The following GPC6 variants were observed in gnomAD, a reference collection of about 807,000 sequenced individuals.
GPC6 encodes glypican-6.
In GPC6, 14 loss-of-function variants were observed where a neutral mutation model predicts 55.2. The ratio of observed to expected loss-of-function variants is 0.25; its 90% CI spans 0.17 to 0.40. The LOEUF is 0.40. Ranked by LOEUF, GPC6 falls within the 10% of genes least tolerant of loss-of-function variation. GPC6 has a pLI of 1.00. For missense variants in GPC6, 641 were observed against 708.5 expected (o/e 0.90, Z 1.08); for synonymous variants, 278 against 259.6 (o/e 1.07, Z -0.68).
chr13:93,496,633 A>G (rs1173795497), intron 1 of GPC6, among the ~76,000 whole-genome samples: 3 of 152,150 alleles, frequency 2.0e-5, no homozygotes, highest in African/African-American at 7.2e-5. Flanking sequence ...GACAGACAAC[A>G]TATTGCAGTG....
intron 3 of GPC6, among the ~76,000 whole-genome samples, chr13:93,891,777 G>T (rs942911695): frequency 6.6e-6 from 1 of 151,882 alleles, no homozygotes; most frequent in African/African-American, 2.4e-5. Context: ...AATGAACAAA[G>T]TGTGTATGTT....
At chr13:94,295,056 A>G (rs1248601458) in intron 5 of GPC6, among the ~76,000 whole-genome samples, 2 of 152,234 alleles carry the variant, frequency 1.3e-5, no homozygotes, top group African/African-American at 4.8e-5. Context: ...AAGGAATAGA[A>G]AATACCTTAA....
intron 3 of GPC6, among the ~76,000 whole-genome samples, chr13:93,897,014 T>G (rs1210794830): frequency 6.6e-6 from 1 of 151,554 alleles, no homozygotes; most frequent in African/African-American, 2.4e-5. Flanking sequence ...ATTTTCTTAT[T>G]GTAAAGGATT....
chr13:93,293,736 A>G (rs1397920769), intron 1 of GPC6, among the ~76,000 whole-genome samples: 3 of 152,072 alleles, frequency 2.0e-5, no homozygotes, highest in Non-Finnish European at 2.9e-5. Context: ...ATTTCATTCT[A>G]TTTTTGCCCA....
intron 1 of GPC6, among the ~76,000 whole-genome samples, chr13:93,482,825 A>G (rs951176634): frequency 6.6e-6 from 1 of 152,204 alleles, no homozygotes; most frequent in African/African-American, 2.4e-5. Flanking sequence ...TAATAATCAA[A>G]TAGTATTTAT....
chr13:93,439,643 C>A (rs2139286155), intron 1 of GPC6, among the ~76,000 whole-genome samples: 1 of 148,022 alleles, frequency 6.8e-6, no homozygotes, highest in East Asian at 2.0e-4. Flanking sequence ...GCCTGGGCGA[C>A]AAAAGTGAAA....
intron 1 of GPC6, among the ~76,000 whole-genome samples, chr13:93,290,553 T>C (rs532281620): frequency 1.6e-4 from 24 of 152,282 alleles, no homozygotes; most frequent in Non-Finnish European, 2.8e-4. Flanking sequence ...TGATCTTTGA[T>C]GTATCTGATT....
At chr13:93,308,720 G>A (rs1445671915) in intron 1 of GPC6, among the ~76,000 whole-genome samples, 1 of 152,236 alleles carries the variant, frequency 6.6e-6, no homozygotes, top group Non-Finnish European at 1.5e-5. Flanking sequence ...GGGATTACAG[G>A]CGTAAGCCAC....
chr13:94,348,708 G>A (rs1878402465), intron 6 of GPC6, among the ~76,000 whole-genome samples: 1 of 152,170 alleles, frequency 6.6e-6, no homozygotes, highest in Non-Finnish European at 1.5e-5. Context: ...ATAGCACACA[G>A]TGGCTGGACC....
At chr13:93,945,735 C>A (rs1358691724) in intron 3 of GPC6, among the ~76,000 whole-genome samples, 1 of 152,164 alleles carries the variant, frequency 6.6e-6, no homozygotes, top group Non-Finnish European at 1.5e-5. Flanking sequence ...GTCCACTGCC[C>A]ATTTGTATAT....
At chr13:93,669,464 T>C (rs16949093) in intron 2 of GPC6, among the ~76,000 whole-genome samples, 6,337 of 152,244 alleles carry the variant, frequency 0.042, 447 homozygotes, top group African/African-American at 0.14. Flanking sequence ...AGCCCACTGC[T>C]TGTCAATTCG....
chr13:93,767,396 C>T (rs148222663), intron 2 of GPC6, among the ~76,000 whole-genome samples: 53 of 152,218 alleles, frequency 3.5e-4, no homozygotes, highest in African/African-American at 1.2e-3. Context: ...GTATATTTTT[C>T]GGTGTTCGAA....
intron 1 of GPC6, among the ~76,000 whole-genome samples, chr13:93,326,456 G>T (rs930862591): frequency 4.0e-5 from 6 of 151,436 alleles, no homozygotes; most frequent in African/African-American, 1.5e-4. Context: ...ACACGCACAC[G>T]CACACACACA....
intron 2 of GPC6, among the ~76,000 whole-genome samples, chr13:93,652,947 T>G (rs1047767217): frequency 6.6e-6 from 1 of 152,340 alleles, no homozygotes; most frequent in South Asian, 2.1e-4. Context: ...AGCCTACTTT[T>G]AAAAGCATAA....
At chr13:93,651,616 C>G (rs562131409) in intron 2 of GPC6, among the ~76,000 whole-genome samples, 1 of 152,186 alleles carries the variant, frequency 6.6e-6, no homozygotes, top group South Asian at 2.1e-4. Flanking sequence ...TAACATAATC[C>G]ATACAACTAC....
chr13:93,471,977 A>G (rs975204187), intron 1 of GPC6, among the ~76,000 whole-genome samples: 1 of 152,198 alleles, frequency 6.6e-6, no homozygotes, highest in African/African-American at 2.4e-5. Context: ...AGAAGTATTG[A>G]AGTCCTACAC....
At chr13:93,944,850 C>A (rs1878923872) in intron 3 of GPC6, among the ~76,000 whole-genome samples, 1 of 152,024 alleles carries the variant, frequency 6.6e-6, no homozygotes, top group African/African-American at 2.4e-5. Flanking sequence ...TGGCTTCCAC[C>A]AGTCTCCTCA....
At chr13:93,491,923 G>T (rs1051274760) in intron 1 of GPC6, among the ~76,000 whole-genome samples, 3 of 108,232 alleles carry the variant, frequency 2.8e-5, no homozygotes, top group Non-Finnish European at 6.0e-5. Context: ...GGTTACTGTA[G>T]CCTTGTAGTA....
At chr13:93,370,092 A>G (rs915535456) in intron 1 of GPC6, among the ~76,000 whole-genome samples, 1 of 152,092 alleles carries the variant, frequency 6.6e-6, no homozygotes, top group Non-Finnish European at 1.5e-5. Flanking sequence ...ATGCCTTTAA[A>G]TTGTGGAGGA....
Sources: allele counts gnomAD v4.1 joint callset (sites outside exome capture counted in the v4.1 genomes callset), GRCh38; gene constraint gnomAD v4.1.1; transcripts MANE v1.5; gene names NCBI Gene and HGNC (gene_info 2026-07-23, HGNC 2026-07-21).